SYNPR: variants seen among roughly 807,000 people sequenced by gnomAD.
SYNPR encodes synaptoporin.
Under a neutral mutation model 32.9 loss-of-function variants are expected in SYNPR, and 23 were observed. The observed-to-expected ratio is 0.70, with a 90% CI of 0.50 to 0.99. The LOEUF (loss-of-function observed/expected upper bound fraction) is 0.99, where lower values mean the gene tolerates loss of function less well. Ranked by LOEUF, SYNPR falls within the 50% of genes least tolerant of loss-of-function variation. SYNPR has a pLI of 0.00. For synonymous variants in SYNPR, 146 were observed against 135.9 expected (o/e 1.07, Z -0.52); for missense variants, 318 against 349.3 (o/e 0.91, Z 0.71).
At chr3:63,207,866 C>T in the SYNPR span, among the ~76,000 whole-genome samples, 1 of 152,056 alleles carries the variant, frequency 6.6e-6, no homozygotes, top group African/African-American at 2.4e-5. Flanking sequence ...ATATAAAACC[C>T]AAGAGGCTTC....
At chr3:63,390,310 G>T (rs2088114706) in intron 2 of SYNPR, among the ~76,000 whole-genome samples, 1 of 152,174 alleles carries the variant, frequency 6.6e-6, no homozygotes, top group South Asian at 2.1e-4. Context: ...TACCCAGGTG[G>T]CTGTTAAGTA....
chr3:63,525,701 T>C (rs1042488239), intron 3 of SYNPR, among the ~76,000 whole-genome samples: 1 of 152,214 alleles, frequency 6.6e-6, no homozygotes, highest in African/African-American at 2.4e-5. Flanking sequence ...CCAGAGAGAA[T>C]GGTTGAATCC....
At chr3:63,317,007 G>C (rs886767043) in intron 2 of SYNPR, among the ~76,000 whole-genome samples, 1 of 151,920 alleles carries the variant, frequency 6.6e-6, no homozygotes, top group Non-Finnish European at 1.5e-5. Context: ...TCATTCAGGA[G>C]CAGGTTATTT....
Position 63,478,255 on chromosome 3 carries a change from T to C in SYNPR, c.85-2577T>C, listed in dbSNP as rs141045428. ...TATGATGGTATTAATAATACCTTAC[T>C]GTATATAAAGCACTTAATATAAGAT... On this transcript the variant is annotated intron_variant, in intron 2 of 5. Transcript: ENST00000478300. Among the ~76,000 whole-genome samples the C allele has an allele frequency of 2.6e-5, 4 of 152,328 alleles. No individual in the cohort carries two copies. In the East Asian group the frequency reaches 7.7e-4, roughly 29 times the overall value.
chr3:63,493,925 A>G (rs1701306456), intron 3 of SYNPR, among the ~76,000 whole-genome samples: 3 of 152,002 alleles, frequency 2.0e-5, no homozygotes, highest in Admixed American at 2.0e-4. Context: ...ATCCCCAAGT[A>G]AGCCTTAGAC....
intron 2 of SYNPR, chr3:63,443,461 T>C (rs759417174): frequency 1.2e-6 from 2 of 1,607,378 alleles, no homozygotes; most frequent in South Asian, 1.1e-5. Context: ...TATGGTGATA[T>C]TTGCTCCGGT....
At chr3:63,296,726 A>G (rs1191314610) in intron 2 of SYNPR, among the ~76,000 whole-genome samples, 1 of 152,244 alleles carries the variant, frequency 6.6e-6, no homozygotes, top group Admixed American at 6.5e-5. Context: ...TGAGTTTCTC[A>G]GTCAACCAGT....
At chr3:63,614,499 A>T (rs1700249349) in intron 5 of SYNPR, among the ~76,000 whole-genome samples, 1 of 152,200 alleles carries the variant, frequency 6.6e-6, no homozygotes, top group African/African-American at 2.4e-5. Flanking sequence ...AAAATATTTT[A>T]TACTTCTCTG....
At chr3:63,505,226 A>T (rs1701565169) in intron 3 of SYNPR, among the ~76,000 whole-genome samples, 1 of 152,198 alleles carries the variant, frequency 6.6e-6, no homozygotes, top group Non-Finnish European at 1.5e-5. Context: ...AGGTTGAAGC[A>T]TATGAAATTG....
intron 2 of SYNPR, among the ~76,000 whole-genome samples, chr3:63,388,379 CTTTT>C (rs144044254): frequency 6.0e-5 from 5 of 83,636 alleles, no homozygotes; most frequent in East Asian, 4.1e-4. Flanking sequence ...GTTTGGAGCT[CTTTT>C]TTTTTTTTTT....
intron 2 of SYNPR, among the ~76,000 whole-genome samples, chr3:63,359,988 T>C (rs536531739): frequency 6.6e-6 from 1 of 152,330 alleles, no homozygotes; most frequent in East Asian, 1.9e-4. Context: ...AGGCGATTTA[T>C]AGCCAGTCTC....
chr3:63,489,306 C>T (rs1701213785), intron 3 of SYNPR, among the ~76,000 whole-genome samples: 2 of 152,262 alleles, frequency 1.3e-5, no homozygotes, highest in East Asian at 1.9e-4. Flanking sequence ...TGGTCACTGG[C>T]CAAAAGCTGC....
chr3:63,505,947 T>C (rs1004804265), intron 3 of SYNPR, among the ~76,000 whole-genome samples: 1 of 151,642 alleles, frequency 6.6e-6, no homozygotes, highest in Non-Finnish European at 1.5e-5. Context: ...ATTTCCTCAT[T>C]GGGCTGAAAC....
intron 3 of SYNPR, among the ~76,000 whole-genome samples, chr3:63,497,241 A>C (rs910833186): frequency 1.2e-4 from 18 of 152,200 alleles, no homozygotes; most frequent in South Asian, 4.1e-4. Flanking sequence ...ATATTGAATT[A>C]ATTTACATCA....
chr3:63,433,239 G>A (rs1029798939), intron 2 of SYNPR, among the ~76,000 whole-genome samples: 4 of 152,138 alleles, frequency 2.6e-5, no homozygotes, highest in African/African-American at 9.7e-5. Context: ...AAAATGAGAG[G>A]AAAAGTGTTG....
chr3:63,438,235 TG>T (rs1700117844), intron 2 of SYNPR, among the ~76,000 whole-genome samples: 1 of 152,194 alleles, frequency 6.6e-6, no homozygotes, highest in African/African-American at 2.4e-5. Flanking sequence ...CTCCCAAGCA[TG>T]ACTACATTTC....
chr3:63,490,455 G>A (rs1701237279), intron 3 of SYNPR, among the ~76,000 whole-genome samples: 2 of 152,028 alleles, frequency 1.3e-5, no homozygotes, highest in African/African-American at 4.8e-5. Flanking sequence ...TCACTTAAGG[G>A]GTGAAGTCAA....
chr3:63,209,122 T>C, the SYNPR span, among the ~76,000 whole-genome samples: 1 of 152,132 alleles, frequency 6.6e-6, no homozygotes, highest in African/African-American at 2.4e-5. Context: ...TTTTAAACCA[T>C]CCTGGCTAAC....
chr3:63,257,394 C>T lies in SYNPR; in HGVS notation n.154+4808C>T, dbSNP rs182975221. Reference sequence around the variant, plus strand: ...CTCAGCAGAAACTCTACAAGCCAGACGAAAGAGGAGGCCAATATTCAACAT... The same window carrying T: ...CTCAGCAGAAACTCTACAAGCCAGATGAAAGAGGAGGCCAATATTCAACAT... On this transcript the variant is annotated intron_variant and non_coding_transcript_variant, in intron 2 of 4. Transcript: ENST00000478456. 2.2e-4 allele frequency among the ~76,000 whole-genome samples: 34 copies of T among 152,192 alleles called. No individual in the cohort carries two copies. The East Asian group carries it at 4.4e-3, about 20-fold the overall frequency.
Sources: allele counts gnomAD v4.1 joint callset (sites outside exome capture counted in the v4.1 genomes callset), GRCh38; gene constraint gnomAD v4.1.1; transcripts MANE v1.5; gene names NCBI Gene and HGNC (gene_info 2026-07-23, HGNC 2026-07-21).